Variants in MYO3A observed in about 807,000 individuals in gnomAD.
MYO3A encodes myosin IIIA.
MYO3A carries 180 observed loss-of-function variants against 192.7 expected under a neutral mutation model. That is an observed-to-expected ratio of 0.93 (90% CI 0.83 to 1.06). The LOEUF is 1.06. Ranked by LOEUF, MYO3A falls within the 50% of genes least tolerant of loss-of-function variation. The pLI, the probability that MYO3A is intolerant of heterozygous loss-of-function variation, is 0.00. For missense variants in MYO3A, 1,896 were observed against 1,905.0 expected (o/e 1.00, Z 0.09); for synonymous variants, 628 against 645.3 (o/e 0.97, Z 0.41).
At chr10:26,049,919 C>A (rs1041568629) in intron 10 of MYO3A, among the ~76,000 whole-genome samples, 1 of 151,916 alleles carries the variant, frequency 6.6e-6, no homozygotes, top group Admixed American at 6.6e-5. Flanking sequence ...CGTGATCCAC[C>A]CACCTCAGCC....
Position 25,958,669 on chromosome 10 carries a change from A to C in MYO3A, c.303+3661A>C, listed in dbSNP as rs895543538. Among the ~76,000 whole-genome samples, 4 of 152,158 alleles carry C rather than the reference A, an allele frequency of 2.6e-5. No homozygotes were observed. The East Asian group carries it at 5.8e-4, about 22-fold the overall frequency. On this transcript the variant is annotated intron_variant, in intron 4 of 34. Transcript: ENST00000642920. ...TGATAAGAATAGCATTGAATCTATA[A>C]ATTGCTTTGGGGAAGTATGGCCATT... is the stretch of plus-strand genomic sequence containing the variant.
intron 10 of MYO3A, among the ~76,000 whole-genome samples, chr10:26,053,918 G>T (rs1357936253): frequency 6.6e-6 from 1 of 152,154 alleles, no homozygotes; most frequent in Non-Finnish European, 1.5e-5. Flanking sequence ...GTTGAAAATG[G>T]TGGTTATCCC....
chr10:25,990,465 A>G (rs1260597257), intron 4 of MYO3A, among the ~76,000 whole-genome samples: 3 of 148,876 alleles, frequency 2.0e-5, no homozygotes, highest in East Asian at 3.8e-4. Flanking sequence ...TTGTAGAATC[A>G]TAATTCTTTT....
intron 14 of MYO3A, among the ~76,000 whole-genome samples, chr10:26,078,200 G>A (rs1835720637): frequency 6.7e-6 from 1 of 148,828 alleles, no homozygotes. Context: ...TCTGTTCAGA[G>A]TATTTGATTC....
chr10:25,990,408 A>C (rs1839939178), intron 4 of MYO3A, among the ~76,000 whole-genome samples: 1 of 152,186 alleles, frequency 6.6e-6, no homozygotes, highest in Admixed American at 6.5e-5. Context: ...AAACTATCAT[A>C]AATCAATAAT....
At chr10:26,062,796 A>G (rs964877065) in intron 10 of MYO3A, among the ~76,000 whole-genome samples, 12 of 152,242 alleles carry the variant, frequency 7.9e-5, no homozygotes, top group Non-Finnish European at 1.3e-4. Flanking sequence ...AAGAAAATCG[A>G]AAGACAGGTG....
intron 31 of MYO3A, among the ~76,000 whole-genome samples, chr10:26,178,316 A>G (rs1235854341): frequency 6.6e-6 from 1 of 152,118 alleles, no homozygotes; most frequent in Non-Finnish European, 1.5e-5. Context: ...CGCCACCAAG[A>G]TTTTCACTTT....
At chr10:26,072,282 C>T (rs1048624919) in intron 14 of MYO3A, among the ~76,000 whole-genome samples, 1 of 152,048 alleles carries the variant, frequency 6.6e-6, no homozygotes, top group East Asian at 1.9e-4. Context: ...AGAGCCAAAC[C>T]ATATCAATAT....
intron 18 of MYO3A, among the ~76,000 whole-genome samples, chr10:26,122,045 T>A (rs1185231845): frequency 6.6e-6 from 1 of 152,180 alleles, no homozygotes; most frequent in Non-Finnish European, 1.5e-5. Context: ...AATTTTTAAT[T>A]GGCATGTATG....
At chr10:25,997,551 A>G (rs1206187272) in intron 6 of MYO3A, among the ~76,000 whole-genome samples, 1 of 152,234 alleles carries the variant, frequency 6.6e-6, no homozygotes, top group Non-Finnish European at 1.5e-5. Flanking sequence ...GCCTATAATG[A>G]CAATCTCATG....
chr10:26,021,641 ATACC>A lies in MYO3A; in HGVS notation c.725_728del (p.Ile242LysfsTer8). ...TCATCCCATGAGAGCACTCTTCAAA[ATACC>A]AAGGTCAGATGACTAACATTGGGTC... On this transcript the variant is annotated frameshift_variant, in exon 8 of 35. Coordinates refer to ENST00000642920, the MANE Select transcript of MYO3A (RefSeq NM_017433.5). LOFTEE classifies it high-confidence loss of function. 6.2e-7 allele frequency: 1 copy of A among 1,614,098 alleles called. No individual in the cohort carries two copies.
intron 14 of MYO3A, among the ~76,000 whole-genome samples, chr10:26,072,826 C>A (rs567465927): frequency 6.6e-6 from 1 of 152,200 alleles, no homozygotes; most frequent in East Asian, 1.9e-4. Flanking sequence ...CTTATAAGCT[C>A]CACTTACCAT....
At chr10:26,086,462 A>G (rs1021243066) in intron 14 of MYO3A, among the ~76,000 whole-genome samples, 1 of 152,094 alleles carries the variant, frequency 6.6e-6, no homozygotes, top group Non-Finnish European at 1.5e-5. Flanking sequence ...TCTTGATGTC[A>G]CTCCTAATTC....
At chr10:26,126,623 A>T (rs79411700) in intron 19 of MYO3A, among the ~76,000 whole-genome samples, 1,828 of 152,248 alleles carry the variant, frequency 0.012, 50 homozygotes, top group African/African-American at 0.041. Flanking sequence ...AAGCATTCAT[A>T]TGAAAATGGA....
At chr10:26,201,477 G>A (rs1317370345) in intron 33 of MYO3A, among the ~76,000 whole-genome samples, 172 bp downstream of exon 33, 7 of 151,838 alleles carry the variant, frequency 4.6e-5, no homozygotes, top group African/African-American at 9.7e-5. Context: ...TCAGGAGATC[G>A]AGACCATCCT....
intron 21 of MYO3A, 111 bp downstream of exon 21, chr10:26,143,712 C>A: frequency 7.5e-7 from 1 of 1,337,350 alleles, no homozygotes; most frequent in Non-Finnish European, 1.1e-6. Flanking sequence ...TGTCACAAAG[C>A]CTGCATATTT....
intron 4 of MYO3A, among the ~76,000 whole-genome samples, chr10:25,979,523 G>A (rs544511756): frequency 7.0e-4 from 87 of 124,752 alleles, no homozygotes; most frequent in African/African-American, 2.5e-3. Context: ...CATAACCAAA[G>A]GAAACATACC....
At chr10:26,088,552 C>T (rs1466727308) in intron 15 of MYO3A, 147 bp downstream of exon 15, 1 of 779,230 alleles carries the variant, frequency 1.3e-6, no homozygotes, top group Non-Finnish European at 2.1e-6. Flanking sequence ...AGAGATCCAT[C>T]AGCACTGTCT....
rs1834840207 is a variant in MYO3A at position 26,066,287 on chromosome 10, A to AG, written c.954-684dup. On this transcript the variant is annotated intron_variant, in intron 10 of 34. Coordinates refer to ENST00000642920, the MANE Select transcript of MYO3A (RefSeq NM_017433.5). ...CTATATATTCCTTCCCCTTTTACCAAGGGGCAAATCCAGATACTTAAGAGT... is the reference window on the plus strand; with the variant it reads ...CTATATATTCCTTCCCCTTTTACCAAGGGGGCAAATCCAGATACTTAAGAGT... Among the ~76,000 whole-genome samples, 5 of 152,170 alleles carry AG rather than the reference A, an allele frequency of 3.3e-5. No homozygotes were observed. The South Asian group carries it at 1.0e-3, about 32-fold the overall frequency.
Sources: gnomAD v4.1 joint callset for allele counts (sites outside exome capture counted in the v4.1 genomes callset) on GRCh38, gnomAD v4.1.1 for gene constraint, MANE v1.5 for transcripts, NCBI Gene and HGNC (gene_info 2026-07-23, HGNC 2026-07-21) for gene names.